Variants in ZNF280D observed in about 807,000 individuals in gnomAD.
ZNF280D encodes suppressor of hairy wing homolog 4.
ZNF280D carries 39 observed loss-of-function variants against 94.7 expected under a neutral mutation model. That is an observed-to-expected ratio of 0.41 (90% CI 0.32 to 0.54). The LOEUF (loss-of-function observed/expected upper bound fraction) is 0.54, where lower values mean the gene tolerates loss of function less well. Ranked by LOEUF, ZNF280D falls within the 20% of genes least tolerant of loss-of-function variation. The probability of loss-of-function intolerance (pLI) is 0.22; values close to 1 mark genes in which losing one functional copy is unlikely to be tolerated. For synonymous variants in ZNF280D, 398 were observed against 377.6 expected (o/e 1.05, Z -0.63); for missense variants, 1,090 against 1,149.3 (o/e 0.95, Z 0.75).
intron 7 of ZNF280D, among the ~76,000 whole-genome samples, chr15:56,692,831 A>T (rs1208806103): frequency 6.6e-6 from 1 of 152,138 alleles, no homozygotes; most frequent in African/African-American, 2.4e-5. Context: ...AATTATTTTA[A>T]TATTTCTCAG....
At chr15:56,733,275 C>G (rs2058993590) in intron 1 of ZNF280D, among the ~76,000 whole-genome samples, 183 bp downstream of exon 1, 1 of 152,074 alleles carries the variant, frequency 6.6e-6, no homozygotes, top group Non-Finnish European at 1.5e-5. Context: ...TGGGCCGACG[C>G]AAGATGGCGG....
chr15:56,728,954 T>A (rs1410176309), intron 1 of ZNF280D, among the ~76,000 whole-genome samples: 2 of 152,196 alleles, frequency 1.3e-5, no homozygotes, highest in Non-Finnish European at 2.9e-5. Context: ...GTATGTTAGG[T>A]GTATTAAATG....
intron 9 of ZNF280D, among the ~76,000 whole-genome samples, chr15:56,684,610 G>GT (rs759010226): frequency 2.0e-5 from 3 of 151,534 alleles, no homozygotes; most frequent in Non-Finnish European, 4.4e-5. Flanking sequence ...AAGGGTGAAA[G>GT]TATTGGAAAA....
chr15:56,682,263 T>C lies in ZNF280D; in HGVS notation c.995A>G (p.Asn332Ser). ...ACAAGTATTTACATACCTAATGTTA[T>C]TTTTTAGAATTTTCAAGCAACTGAA... ...KCFSCLKILKNNIRFMNHMKH... is the reference protein window; with the variant it reads ...KCFSCLKILKSNIRFMNHMKH... The change falls in exon 10 of 22, where the codon AAT (asparagine) becomes AGT (serine). Residue 332 changes from asparagine to serine, a missense_variant. Transcript: ENST00000267807. The C allele has an allele frequency of 6.4e-7, 1 of 1,559,792 alleles. No individual in the cohort carries two copies. Among genetic ancestry groups the C allele is most frequent in the Non-Finnish European group, 8.6e-7 (1 of 1,161,122 alleles).
chr15:56,709,946 A>G (rs1455247501), intron 1 of ZNF280D, among the ~76,000 whole-genome samples: 1 of 152,212 alleles, frequency 6.6e-6, no homozygotes, highest in Non-Finnish European at 1.5e-5. Flanking sequence ...AACATGGCAC[A>G]TGTATACATA....
Position 56,687,870 on chromosome 15 carries a change from C to G in ZNF280D, c.780+1171G>C, listed in dbSNP as rs148423526. On this transcript the variant is annotated intron_variant, in intron 9 of 21. Coordinates refer to ENST00000267807, the MANE Select transcript of ZNF280D (RefSeq NM_017661.4). ...GTATATAAGAAGACTGTATTTATAA[C>G]TTTTTTAAGTTCCCTTATTTTTTCT... Among the ~76,000 whole-genome samples the G allele has an allele frequency of 6.8e-3, 1,031 of 152,230 alleles. 17 individuals carry two copies. The highest frequency in any genetic ancestry group is 0.023 in the African/African-American group (974 of 41,544).
At chr15:56,637,550 A>G (rs1478568327) in intron 20 of ZNF280D, among the ~76,000 whole-genome samples, 8 of 152,062 alleles carry the variant, frequency 5.3e-5, no homozygotes, top group African/African-American at 1.7e-4. Flanking sequence ...ATTTTCCCAC[A>G]CTGAAGTCTA....
At chr15:56,696,019 G>C (rs1409775823) in intron 6 of ZNF280D, among the ~76,000 whole-genome samples, 1 of 152,100 alleles carries the variant, frequency 6.6e-6, no homozygotes, top group East Asian at 1.9e-4. Flanking sequence ...CAAGTTTTAA[G>C]AATTTTGCTT....
At chr15:56,663,890 C>T (rs1443772392) in intron 16 of ZNF280D, among the ~76,000 whole-genome samples, 1 of 151,280 alleles carries the variant, frequency 6.6e-6, no homozygotes, top group Non-Finnish European at 1.5e-5. Flanking sequence ...AGAGTGAGAC[C>T]CCATCTCACA....
chr15:56,702,910 AACAC>A (rs59095987), intron 4 of ZNF280D, among the ~76,000 whole-genome samples: 45,897 of 135,366 alleles, frequency 0.34, 8,369 homozygotes, highest in Non-Finnish European at 0.43. Context: ...ATGGTAAGTA[AACAC>A]ACACACACAC....
rs148827203 is a variant in ZNF280D, at chr15:56,701,178, C to T, written c.236G>A (p.Ser79Asn). Residue 79 changes from serine to asparagine, a missense_variant, in exon 5 of 22, where the codon AGT (serine) becomes AAT (asparagine). By Grantham distance (46) the Ser-to-Asn change is conservative. Coordinates refer to ENST00000267807, the MANE Select transcript of ZNF280D (RefSeq NM_017661.4). ...ATAGTATAATAATACTGTACCTCGA[C>T]TGAGTGCACCATTCTTTAGTCCCCT... is the stretch of plus-strand genomic sequence containing the variant. Reference protein sequence around the residue: ...YSRGLKNGALSRGITAAFKPT... With the variant: ...YSRGLKNGALNRGITAAFKPT... 3.8e-5 allele frequency: 61 copies of T among 1,594,456 alleles called. No individual in the cohort carries two copies. The African/African-American group carries it at 7.1e-4, about 18-fold the overall frequency.
At chr15:56,671,779 T>C (rs1204324618) in intron 13 of ZNF280D, among the ~76,000 whole-genome samples, 1 of 152,206 alleles carries the variant, frequency 6.6e-6, no homozygotes, top group African/African-American at 2.4e-5. Context: ...ATGGCCATTT[T>C]CATGATATTG....
chr15:56,671,642 T>G (rs553432386), intron 13 of ZNF280D, among the ~76,000 whole-genome samples: 134 of 152,282 alleles, frequency 8.8e-4, no homozygotes, highest in Non-Finnish European at 1.7e-3. Flanking sequence ...TTGCTTAGGA[T>G]TGACTTGGCT....
At chr15:56,646,877 T>C (rs2052919307) in intron 19 of ZNF280D, among the ~76,000 whole-genome samples, 1 of 151,676 alleles carries the variant, frequency 6.6e-6, no homozygotes, top group African/African-American at 2.4e-5. Flanking sequence ...CAAAGCAGAG[T>C]AAGGAGATCC....
At chr15:56,722,391 C>T (rs944734676) in intron 1 of ZNF280D, among the ~76,000 whole-genome samples, 13 of 152,176 alleles carry the variant, frequency 8.5e-5, no homozygotes, top group Admixed American at 2.6e-4. Flanking sequence ...TATCTGCAAA[C>T]CACAACAAGT....
intron 17 of ZNF280D, among the ~76,000 whole-genome samples, chr15:56,654,995 C>A (rs1477296691): frequency 6.6e-6 from 1 of 152,128 alleles, no homozygotes; most frequent in Non-Finnish European, 1.5e-5. Context: ...GTGTTTTATT[C>A]AGTTGGAGAT....
rs562504370 is a variant in ZNF280D, at chr15:56,711,195, C to T, written c.-85-3889G>A. On this transcript the variant is annotated intron_variant, in intron 1 of 21. Transcript: ENST00000267807. ...GTTAACCTAGTGCCTTGCTTTACTG[C>T]TTTTTATACATACATTTACCATTTA... Among the ~76,000 whole-genome samples the T allele has an allele frequency of 2.0e-5, 3 of 152,206 alleles. No homozygotes were observed. The South Asian group carries it at 6.2e-4, about 32-fold the overall frequency.
chr15:56,698,232 T>C (rs1359323851), intron 6 of ZNF280D: 1 of 152,164 alleles, frequency 6.6e-6, no homozygotes, highest in Non-Finnish European at 1.5e-5. Flanking sequence ...TATATACTAG[T>C]TATGTGGAAA....
chr15:56,717,421 AG>A (rs2141360305), intron 1 of ZNF280D, among the ~76,000 whole-genome samples: 1 of 152,232 alleles, frequency 6.6e-6, no homozygotes, highest in East Asian at 1.9e-4. Context: ...GAAGGAAAGA[AG>A]GTGACTTGAA....
Sources: gnomAD v4.1 joint callset for allele counts (sites outside exome capture counted in the v4.1 genomes callset) on GRCh38, gnomAD v4.1.1 for gene constraint, MANE v1.5 for transcripts, NCBI Gene and HGNC (gene_info 2026-07-23, HGNC 2026-07-21) for gene names.